Variants in UBAP2 observed in about 807,000 individuals in gnomAD.
UBAP2 encodes the protein ubiquitin associated protein 2.
Under a neutral mutation model 139.6 loss-of-function variants are expected in UBAP2, and 75 were observed. The observed-to-expected ratio is 0.54, with a 90% CI of 0.45 to 0.65. The LOEUF (loss-of-function observed/expected upper bound fraction) is 0.65, where lower values mean the gene tolerates loss of function less well. UBAP2 is among the 30% of genes least tolerant of loss of function. The pLI is 0.00. For missense variants in UBAP2, 1,368 were observed against 1,369.6 expected (o/e 1.00, Z 0.02); for synonymous variants, 526 against 526.2 (o/e 1.00, Z 0.01).
chr9:33,957,667 A>G (rs2130994264), intron 10 of UBAP2, among the ~76,000 whole-genome samples: 1 of 152,282 alleles, frequency 6.6e-6, no homozygotes, highest in Middle Eastern at 3.4e-3. Context: ...CAATGTGGGG[A>G]CTCGGCTTTG....
chr9:33,962,680 A>ATAATTAATTAATTAAT (rs59415900), intron 9 of UBAP2, among the ~76,000 whole-genome samples: 24 of 145,654 alleles, frequency 1.6e-4, no homozygotes, highest in South Asian at 6.5e-4. Flanking sequence ...AAATAAATAA[A>ATAATTAATTAATTAAT]TAATTAAAAA....
chr9:33,993,160 C>T (rs1161433662), intron 4 of UBAP2, among the ~76,000 whole-genome samples: 1 of 152,146 alleles, frequency 6.6e-6, no homozygotes, highest in Non-Finnish European at 1.5e-5. Flanking sequence ...ATAAATTTAT[C>T]CTTAAAAACA....
In UBAP2 at chr9:33,970,321, T is replaced by C. The variant is rs189670841; in HGVS notation, c.679+1330A>G. Among the ~76,000 whole-genome samples, 248 of 152,294 alleles carry C rather than the reference T, an allele frequency of 1.6e-3. 1 individual carries two copies. Among genetic ancestry groups the C allele is most frequent in the African/African-American group, 5.6e-3 (232 of 41,568 alleles). On this transcript the variant is annotated intron_variant, in intron 8 of 28. Coordinates refer to ENST00000379238, the MANE Select transcript of UBAP2 (RefSeq NM_001370062.2). ...ACTAGTGTTTTCAAATAACAACTTA[T>C]AAATTTTGTTGACCCTCTTTACAGT...
chr9:34,047,190 G>C (rs910653117), intron 1 of UBAP2, among the ~76,000 whole-genome samples: 2 of 152,096 alleles, frequency 1.3e-5, no homozygotes, highest in Non-Finnish European at 2.9e-5. Context: ...GAAGCAAATG[G>C]GGGAAATCAG....
At chr9:34,036,706 A>G (rs1826406060) in intron 1 of UBAP2, among the ~76,000 whole-genome samples, 1 of 152,138 alleles carries the variant, frequency 6.6e-6, no homozygotes, top group Admixed American at 6.6e-5. Context: ...AGTAGCATAT[A>G]CCATTTGCGC....
chr9:33,957,139 C>T (rs1023684438), intron 10 of UBAP2, among the ~76,000 whole-genome samples: 2 of 151,720 alleles, frequency 1.3e-5, no homozygotes, highest in Non-Finnish European at 1.5e-5. Context: ...GTGAAATAAT[C>T]GATGTTTTCT....
chr9:33,928,310 T>G (rs926236682), intron 19 of UBAP2: 3 of 307,168 alleles, frequency 9.8e-6, no homozygotes, highest in African/African-American at 2.1e-5. Flanking sequence ...GGCATAGAAA[T>G]CCCAAGATAA....
chr9:34,005,349 C>T (rs975642920), intron 2 of UBAP2, among the ~76,000 whole-genome samples: 2 of 146,252 alleles, frequency 1.4e-5, no homozygotes, highest in African/African-American at 5.1e-5. Flanking sequence ...GTGTGAGAAT[C>T]GCTTGAACCT....
At chr9:33,953,995 C>T (rs762280479) in intron 11 of UBAP2, among the ~76,000 whole-genome samples, 2 of 151,998 alleles carry the variant, frequency 1.3e-5, no homozygotes, top group Non-Finnish European at 2.9e-5. Flanking sequence ...CAACCTCTGC[C>T]TCCCAGGCTT....
chr9:34,035,514 A>AAAAAAAAAAAATATAT, intron 1 of UBAP2, among the ~76,000 whole-genome samples: 15 of 22,488 alleles, frequency 6.7e-4, no homozygotes, highest in Non-Finnish European at 7.8e-4. Context: ...AAAAAAAAAA[A>AAAAAAAAAAAATATAT]ATATATATAT....
intron 2 of UBAP2, among the ~76,000 whole-genome samples, chr9:34,016,439 G>T (rs1234387943): frequency 6.7e-6 from 1 of 150,216 alleles, no homozygotes; most frequent in Admixed American, 6.6e-5. Context: ...TAGCTAAGAG[G>T]TACCTGGAAA....
intron 1 of UBAP2, among the ~76,000 whole-genome samples, chr9:34,038,032 G>A (rs1412752862): frequency 2.0e-5 from 3 of 150,226 alleles, no homozygotes; most frequent in African/African-American, 7.4e-5. Context: ...AGCTAGGCAC[G>A]GTGGCACAAA....
chr9:33,971,841 A>C (rs574208226), intron 7 of UBAP2, 87 bp from the exon 8 acceptor site: 117 of 768,772 alleles, frequency 1.5e-4, no homozygotes, highest in Middle Eastern at 9.4e-4. Flanking sequence ...TCCACCAAAC[A>C]AGCCCAGTGC....
At chr9:33,939,778 G>A (rs1824936880) in intron 16 of UBAP2, among the ~76,000 whole-genome samples, 1 of 37,184 alleles carries the variant, frequency 2.7e-5, no homozygotes, top group Admixed American at 2.3e-4. Flanking sequence ...AGGAGGAAGG[G>A]GAGGAGGAAG....
At chr9:33,946,496 G>C (rs1302724596) in intron 13 of UBAP2, among the ~76,000 whole-genome samples, 2 of 152,072 alleles carry the variant, frequency 1.3e-5, no homozygotes, top group African/African-American at 2.4e-5. Context: ...CTACTGATTT[G>C]AAAAGCCAGT....
intron 1 of UBAP2, among the ~76,000 whole-genome samples, chr9:34,039,528 G>A (rs1280697668): frequency 4.6e-5 from 7 of 152,260 alleles, no homozygotes; most frequent in Non-Finnish European, 7.4e-5. Flanking sequence ...TCTGCCTTGG[G>A]ATGCTGTTAA....
At chr9:34,046,904 C>T (rs1054904454) in intron 1 of UBAP2, among the ~76,000 whole-genome samples, 2 of 152,118 alleles carry the variant, frequency 1.3e-5, no homozygotes, top group African/African-American at 4.8e-5. Context: ...ACTACATAGA[C>T]TGCACTAGTA....
At chr9:33,991,352 C>T (rs1183398092) in intron 4 of UBAP2, among the ~76,000 whole-genome samples, 1 of 152,040 alleles carries the variant, frequency 6.6e-6, no homozygotes, top group Admixed American at 6.6e-5. Context: ...TATGTGCAGA[C>T]AAAATGATCA....
At chr9:33,924,133 T>C (rs1798891117) in intron 23 of UBAP2, 73 bp downstream of exon 23, 1 of 1,593,042 alleles carries the variant, frequency 6.3e-7, no homozygotes, top group South Asian at 1.1e-5. Flanking sequence ...CAGCTTGCTG[T>C]TGCTGCTTCC....
Sources: gnomAD v4.1 joint callset for allele counts (sites outside exome capture counted in the v4.1 genomes callset) on GRCh38, gnomAD v4.1.1 for gene constraint, MANE v1.5 for transcripts, NCBI Gene and HGNC (gene_info 2026-07-23, HGNC 2026-07-21) for gene names.